UMODL1: variants seen among roughly 807,000 people sequenced by gnomAD.
UMODL1 encodes uromodulin-like 1.
A neutral mutation model predicts 136.3 loss-of-function variants in UMODL1; 128 were observed. The observed-to-expected ratio is 0.94, with a 90% CI of 0.81 to 1.09. The LOEUF (loss-of-function observed/expected upper bound fraction) is 1.09, where lower values mean the gene tolerates loss of function less well. Among genes scored for constraint, UMODL1 ranks in the 50% least tolerant of loss-of-function variants. UMODL1 has a pLI of 0.00. For synonymous variants in UMODL1, 721 were observed against 720.0 expected (o/e 1.00, Z -0.02); for missense variants, 1,766 against 1,725.6 (o/e 1.02, Z -0.41).
At chr21:42,078,697 G>C (rs2925131) in intron 2 of UMODL1, among the ~76,000 whole-genome samples, 19,764 of 80,116 alleles carry the variant, frequency 0.25, 1,514 homozygotes, top group Admixed American at 0.31. Context: ...GAAACCAGGC[G>C]GGGCCAGCTG....
At chr21:42,127,537 G>A (rs554527925) in intron 19 of UMODL1, 135 bp from the exon 20 acceptor site, 19 of 1,098,224 alleles carry the variant, frequency 1.7e-5, no homozygotes, top group African/African-American at 1.6e-5. Flanking sequence ...AACAAATGAG[G>A]TGCCCGGTCC....
chr21:42,100,612 G>T (rs978954931), intron 7 of UMODL1, among the ~76,000 whole-genome samples: 4 of 152,102 alleles, frequency 2.6e-5, no homozygotes, highest in South Asian at 4.2e-4. Context: ...TCCCTTTTTG[G>T]AAACTGAGGC....
chr21:42,080,419 C>T lies in UMODL1; in HGVS notation c.320-3665C>T, dbSNP rs566624606. On this transcript the variant is annotated intron_variant, in intron 2 of 22. Transcript: ENST00000408910. Reference sequence around the variant, plus strand: ...CACACCTCAGCTACCCGGGGGTCTGCGCCTCGGAGTCCTATCCCCCAGACA... The same window carrying T: ...CACACCTCAGCTACCCGGGGGTCTGTGCCTCGGAGTCCTATCCCCCAGACA... Among the ~76,000 whole-genome samples the T allele has an allele frequency of 3.3e-5, 5 of 152,264 alleles. No homozygotes were observed. The South Asian group carries it at 8.3e-4, about 25-fold the overall frequency.
At chr21:42,077,065 G>A (rs1229697368) in intron 2 of UMODL1, among the ~76,000 whole-genome samples, 1 of 134,202 alleles carries the variant, frequency 7.5e-6, no homozygotes, top group South Asian at 2.4e-4. Context: ...GTGTGTGTGT[G>A]TGGTGGCTGC....
chr21:42,088,272 C>G (rs1168670290), intron 4 of UMODL1, 22 bp from the exon 5 acceptor site: 2 of 1,603,306 alleles, frequency 1.2e-6, no homozygotes, highest in South Asian at 2.2e-5. Flanking sequence ...TGCTGTGTGA[C>G]ACTCTGATTC....
intron 11 of UMODL1, 129 bp downstream of exon 11, chr21:42,111,250 G>A (rs1343162646): frequency 1.3e-6 from 2 of 1,526,330 alleles, no homozygotes; most frequent in Non-Finnish European, 8.8e-7. Context: ...CCAGCCAGAG[G>A]AGCACCAGCC....
rs575754742 is a variant in UMODL1, at chr21:42,081,699, C to T, written c.320-2385C>T. On this transcript the variant is annotated intron_variant, in intron 2 of 22. Coordinates refer to ENST00000408910, the MANE Select transcript of UMODL1 (RefSeq NM_001004416.3). ...AAGATAATGCAGAAAGGTCCTGTAC[C>T]CCCCAACCCAGCTTCCCCTAACGTT... is the stretch of plus-strand genomic sequence containing the variant. Among the ~76,000 whole-genome samples the T allele has an allele frequency of 5.3e-5, 8 of 152,150 alleles. No homozygotes were observed. In the South Asian group the frequency reaches 1.0e-3, roughly 20 times the overall value.
intron 14 of UMODL1, among the ~76,000 whole-genome samples, chr21:42,118,883 T>G (rs543441530): frequency 9.0e-4 from 82 of 90,632 alleles, no homozygotes; most frequent in African/African-American, 2.8e-3. Context: ...GTTTACTGGT[T>G]TGGGGGGGGA....
chr21:42,102,903 T>C (rs1319840772), intron 8 of UMODL1: 1 of 153,042 alleles, frequency 6.5e-6, no homozygotes, highest in Non-Finnish European at 1.5e-5. Flanking sequence ...GCAGGCAGCA[T>C]GCGTGTGCTG....
intron 10 of UMODL1, among the ~76,000 whole-genome samples, chr21:42,110,126 A>T (rs772691303): frequency 2.0e-5 from 3 of 152,176 alleles, no homozygotes; most frequent in Non-Finnish European, 4.4e-5. Context: ...GAAGCTGCAG[A>T]GAGGCCCGAT....
chr21:42,069,268 A>ACACACAC (rs71188700), upstream of UMODL1, among the ~76,000 whole-genome samples: 1 of 151,506 alleles, frequency 6.6e-6, no homozygotes, highest in African/African-American at 2.4e-5. Context: ...ACACACACAC[A>ACACACAC]AACAGCAGGG....
Position 42,085,963 on chromosome 21 carries a change from C to T in UMODL1, c.603+551C>T, listed in dbSNP as rs1487445749. 1.3e-5 allele frequency among the ~76,000 whole-genome samples: 2 copies of T among 152,210 alleles called. No individual in the cohort carries two copies. Among genetic ancestry groups the T allele is most frequent in the Non-Finnish European group, 2.9e-5 (2 of 68,030 alleles). On this transcript the variant is annotated intron_variant, in intron 4 of 22. Transcript: ENST00000408910. The surrounding 1 kb of genome is among the most constrained non-coding windows in gnomAD (Gnocchi z 4.5). The stretch of plus-strand genomic sequence containing the variant: ...GTCTCCAGACGTCGCCCACTGTCCC[C>T]TGGGGATAAAAACAAACACCCTGGC...
At chr21:42,116,915 A>C (rs1473463100) in intron 14 of UMODL1, among the ~76,000 whole-genome samples, 1 of 152,150 alleles carries the variant, frequency 6.6e-6, no homozygotes. Flanking sequence ...ATCTCTACTA[A>C]AAATACAAAA....
rs1003797431 is a variant in UMODL1, at chr21:42,099,039, G to A, written c.1045G>A (p.Gly349Ser). 3 of 1,614,074 alleles carry A rather than the reference G, an allele frequency of 1.9e-6. No individual in the cohort carries two copies. The highest frequency in any genetic ancestry group is 2.7e-5 in the African/African-American group (2 of 74,910). Residue 349 changes from glycine (G) to serine (S), a missense_variant, in exon 7 of 23, where the codon GGT becomes AGT. Gly to Ser is a moderately conservative substitution (Grantham distance 56). Coordinates refer to ENST00000408910, the MANE Select transcript of UMODL1 (RefSeq NM_001004416.3). The surrounding 1 kb of genome is among the most constrained non-coding windows in gnomAD (Gnocchi z 4.1). ...CACTTTCCATGTCCGGGTTTACCGG[G>A]GTATGGAGTTGCTCAGGAGCGCCAG... ...NHTFHVRVYR[G>S]MELLRSARTQ...
At chr21:42,139,853 G>A (rs1482367853) in intron 22 of UMODL1, among the ~76,000 whole-genome samples, 1 of 152,204 alleles carries the variant, frequency 6.6e-6, no homozygotes, top group Non-Finnish European at 1.5e-5. Context: ...TAGTTACCAG[G>A]AGTCCTGGCA....
intron 1 of UMODL1, among the ~76,000 whole-genome samples, chr21:42,066,120 C>T (rs1364956461): frequency 6.6e-6 from 1 of 152,206 alleles, no homozygotes; most frequent in Non-Finnish European, 1.5e-5. Flanking sequence ...GGAAGAGGCC[C>T]TGGCAAGCAC....
intron 18 of UMODL1, 152 bp from the exon 19 acceptor site, chr21:42,126,854 G>A: frequency 5.3e-6 from 4 of 749,240 alleles, no homozygotes; most frequent in East Asian, 4.9e-5. Flanking sequence ...TGAATAAATG[G>A]CCTCCAAGTG....
rs1235661555 is a variant in UMODL1 at position 42,127,211 on chromosome 21, G to C, written c.3499G>C (p.Asp1167His). The change falls in exon 19 of 23, where the codon GAC becomes CAC. Residue 1167 changes from aspartate to histidine, a missense_variant. Coordinates refer to ENST00000408910, the MANE Select transcript of UMODL1 (RefSeq NM_001004416.3). ...GGCAACCCCGTCTAGCAACGCCCGG[G>C]ACCCCATCACCTTCAGCTTCATTAA... The part of the protein sequence containing the change: ...CWATPSSNAR[D>H]PITFSFINNS... 6.2e-7 allele frequency: 1 copy of C among 1,613,894 alleles called. No homozygotes were observed. Among genetic ancestry groups the C allele is most frequent in the African/African-American group, 1.3e-5 (1 of 74,892 alleles).
At chr21:42,138,467 G>T (rs369003862) in intron 22 of UMODL1, among the ~76,000 whole-genome samples, 8 of 152,306 alleles carry the variant, frequency 5.3e-5, no homozygotes, top group East Asian at 3.9e-4. Context: ...TTTTTCCTGG[G>T]CCTGCACATA....
Sources: allele counts gnomAD v4.1 joint callset (sites outside exome capture counted in the v4.1 genomes callset), GRCh38; gene constraint gnomAD v4.1.1; non-coding constraint Gnocchi (gnomAD v3.1); transcripts MANE v1.5; gene names NCBI Gene and HGNC (gene_info 2026-07-23, HGNC 2026-07-21).